Variants in DIO2 observed in about 807,000 individuals in gnomAD.
DIO2 encodes type II iodothyronine deiodinase.
Under a neutral mutation model 21.4 loss-of-function variants are expected in DIO2, and 19 were observed. The observed-to-expected ratio is 0.89, with a 90% CI of 0.62 to 1.30. The LOEUF (loss-of-function observed/expected upper bound fraction) is 1.30. Among genes scored for constraint, DIO2 ranks in the 50% most tolerant of loss-of-function variants. The pLI is 0.00. For synonymous variants in DIO2, 122 were observed against 132.9 expected, an observed-to-expected ratio of 0.92 and a Z score of 0.57; for missense variants, 302 against 338.1, an observed-to-expected ratio of 0.89 and a Z score of 0.84.
At chr14:80,217,683 T>C (rs931880901) in intron 2 of DIO2, among the ~76,000 whole-genome samples, 2 of 152,224 alleles carry the variant, frequency 1.3e-5, no homozygotes, top group Admixed American at 6.5e-5. Context: ...ATAGTCATGC[T>C]TTACTATGTC....
intron 2 of DIO2, chr14:80,219,562 G>T (rs1300411492): frequency 7.0e-6 from 1 of 143,522 alleles, no homozygotes; most frequent in African/African-American, 2.6e-5. Flanking sequence ...AACATTTGTC[G>T]AAAGCTACAA....
chr14:80,206,962 T>C (rs1401695494), intron 1 of DIO2, among the ~76,000 whole-genome samples: 4 of 152,174 alleles, frequency 2.6e-5, no homozygotes, highest in African/African-American at 9.7e-5. Flanking sequence ...TTTCCACTAA[T>C]TGGTCTTGAA....
chr14:80,205,830 A>G, intron 1 of DIO2: 1 of 662,028 alleles, frequency 1.5e-6, no homozygotes, highest in South Asian at 2.3e-5. Flanking sequence ...ACTGGGAAGT[A>G]TTTATTTTAT....
Position 80,211,462 on chromosome 14 carries a change from A to T in DIO2, c.11T>A (p.Leu4His), listed in dbSNP as rs200390046. MGI[L>H]SVDLLITLQI... Reference sequence around the variant, plus strand: ...CAGTGTGATCAGCAAGTCTACGCTGAGGATGCCCATCTTCTCTGCCTCCTG... The same window carrying T: ...CAGTGTGATCAGCAAGTCTACGCTGTGGATGCCCATCTTCTCTGCCTCCTG... The change falls in exon 1 of 2, where the codon CTC becomes CAC. Residue 4 changes from leucine to histidine, a missense_variant. Leu to His is a moderately conservative substitution (Grantham distance 99). Coordinates refer to ENST00000438257, the MANE Select transcript of DIO2 (RefSeq NM_013989.5). 7.1e-4 allele frequency: 1,141 copies of T among 1,605,540 alleles called. No homozygotes were observed. Among genetic ancestry groups the T allele is most frequent in the Non-Finnish European group, 7.8e-4 (918 of 1,176,104 alleles).
intron 2 of DIO2, among the ~76,000 whole-genome samples, chr14:80,226,388 A>T (rs1237155945): frequency 6.6e-6 from 1 of 152,236 alleles, no homozygotes; most frequent in East Asian, 1.9e-4. Flanking sequence ...GTGGAATATC[A>T]TGATGGTGGA....
chr14:80,207,502 T>TA (rs2140003124), intron 1 of DIO2, among the ~76,000 whole-genome samples: 1 of 152,250 alleles, frequency 6.6e-6, no homozygotes, highest in African/African-American at 2.4e-5. Flanking sequence ...AAGCAAATTA[T>TA]AAAAATGAAG....
At chr14:80,217,727 T>G (rs1172067549) in intron 2 of DIO2, among the ~76,000 whole-genome samples, 1 of 152,240 alleles carries the variant, frequency 6.6e-6, no homozygotes, top group Non-Finnish European at 1.5e-5. Flanking sequence ...AAAGATTCTA[T>G]GTCTGCCTTC....
At position 80,222,665 on chromosome 14, in the gene DIO2, T is replaced by C. The variant is rs540174584; in HGVS notation, c.-277-5928A>G. On this transcript the variant is annotated intron_variant, in intron 2 of 4. Transcript: ENST00000553594. ...ACTGAACCTCTTCACAGGGATACTG[T>C]TTGTTTATCTTGTGCCATATGAACT... Among the ~76,000 whole-genome samples, 15 of 152,314 alleles carry C rather than the reference T, an allele frequency of 9.8e-5. No individual in the cohort carries two copies. In the South Asian group the frequency reaches 2.7e-3, roughly 27 times the overall value.
rs539505883 is a variant in DIO2 at position 80,227,909 on chromosome 14, A to T, written c.-277-11172T>A. Among the ~76,000 whole-genome samples, 240 of 152,338 alleles carry T rather than the reference A, an allele frequency of 1.6e-3. 2 individuals carry two copies. Among genetic ancestry groups the T allele is most frequent in the African/African-American group, 5.7e-3 (235 of 41,582 alleles). ...CTTTCTTGGTTGTAGGAGGGGCCAAATGCAGCAACTTATCCTTTACCTTAG... is the reference window on the plus strand; with the variant it reads ...CTTTCTTGGTTGTAGGAGGGGCCAATTGCAGCAACTTATCCTTTACCTTAG... On this transcript the variant is annotated intron_variant, in intron 2 of 4. Coordinates refer to the DIO2 transcript ENST00000553594.
At chr14:80,217,030 T>C (rs952455019) in intron 2 of DIO2, among the ~76,000 whole-genome samples, 10 of 152,168 alleles carry the variant, frequency 6.6e-5, no homozygotes, top group African/African-American at 2.2e-4. Flanking sequence ...AATGGTGTAG[T>C]TTGTTCCCAA....
chr14:80,223,241 T>A (rs760965815), intron 2 of DIO2, among the ~76,000 whole-genome samples: 1 of 152,214 alleles, frequency 6.6e-6, no homozygotes, highest in Non-Finnish European at 1.5e-5. Flanking sequence ...AACCCATTAA[T>A]AATATTTTCA....
intron 2 of DIO2, among the ~76,000 whole-genome samples, chr14:80,230,020 C>T (rs191972790): frequency 7.0e-4 from 107 of 152,184 alleles, no homozygotes; most frequent in African/African-American, 2.3e-3. Context: ...GGAGAATCAA[C>T]GTTATTTTTC....
chr14:80,205,784 G>A, intron 1 of DIO2: 1 of 1,139,732 alleles, frequency 8.8e-7, no homozygotes, highest in Non-Finnish European at 1.1e-6. Flanking sequence ...TGCTCTTTAT[G>A]GGGGGGATTT....
In DIO2 at chr14:80,202,767, G is replaced by C; in HGVS notation, c.744C>G (p.Ser248=). The change falls in exon 2 of 2, where the codon TCC becomes TCG. Residue 248 remains serine, a synonymous_variant. Transcript: ENST00000438257. ...AATGCCGGACTTCTTGAAGGTTGTA[G>C]GAGAAGGGGCCCTTTCCTCCCAGAT... ...IAYLGGKGPF[S]YNLQEVRHWL... 6.2e-7 allele frequency: 1 copy of C among 1,613,942 alleles called. No individual in the cohort carries two copies. Among genetic ancestry groups the C allele is most frequent in the South Asian group, 1.1e-5 (1 of 91,074 alleles).
intron 1 of DIO2, among the ~76,000 whole-genome samples, chr14:80,208,802 TACTTGA>T (rs993622786): frequency 6.6e-6 from 1 of 152,192 alleles, no homozygotes; most frequent in Non-Finnish European, 1.5e-5. Context: ...ACCCTTGCCA[TACTTGA>T]AGACAGAAAA....
intron 1 of DIO2, among the ~76,000 whole-genome samples, chr14:80,209,981 C>T (rs1355641072): frequency 6.6e-6 from 1 of 152,096 alleles, no homozygotes; most frequent in Non-Finnish European, 1.5e-5. Flanking sequence ...CATTCCCTTG[C>T]GTCTCTATTA....
intron 2 of DIO2, among the ~76,000 whole-genome samples, chr14:80,220,535 C>G (rs1888446157): frequency 6.6e-6 from 1 of 152,086 alleles, no homozygotes; most frequent in South Asian, 2.1e-4. Context: ...CTCACCAAGA[C>G]ATTTTCATAA....
At chr14:80,213,986 A>G (rs1888289382), upstream of DIO2, among the ~76,000 whole-genome samples, 2 of 152,228 alleles carry the variant, frequency 1.3e-5, no homozygotes, top group African/African-American at 2.4e-5. Flanking sequence ...TAGCAAAATA[A>G]TATTACTAAT....
chr14:80,206,595 C>G (rs1887967464), intron 1 of DIO2, among the ~76,000 whole-genome samples: 1 of 152,134 alleles, frequency 6.6e-6, no homozygotes, highest in African/African-American at 2.4e-5. Context: ...CAAAGCATTC[C>G]TTGACACAGA....
Sources: gnomAD v4.1 joint callset for allele counts (sites outside exome capture counted in the v4.1 genomes callset) on GRCh38, gnomAD v4.1.1 for gene constraint, MANE v1.5 for transcripts, NCBI Gene and HGNC (gene_info 2026-07-23, HGNC 2026-07-21) for gene names.